PCDHGB2: variants seen among roughly 807,000 people sequenced by gnomAD.
The protein encoded by PCDHGB2 is protocadherin gamma subfamily B, 2.
A neutral mutation model predicts 59.3 loss-of-function variants in PCDHGB2; 55 were observed. That is an observed-to-expected ratio of 0.93 (90% CI 0.75 to 1.16). The LOEUF (loss-of-function observed/expected upper bound fraction) is 1.16. PCDHGB2 is among the 50% of genes most tolerant of loss of function. The pLI is 0.00. For synonymous variants in PCDHGB2, 516 were observed against 512.0 expected (o/e 1.01, Z -0.11); for missense variants, 1,228 against 1,198.5 (o/e 1.02, Z -0.36).
intron 1 of PCDHGB2, among the ~76,000 whole-genome samples, chr5:141,466,800 C>T (rs189985735): frequency 6.6e-6 from 1 of 152,240 alleles, no homozygotes; most frequent in East Asian, 1.9e-4. Context: ...AAACTAGATC[C>T]TATTCAGACA....
At position 141,468,868 on chromosome 5, in the gene PCDHGB2, A is replaced by AAAT. The variant is rs993655754; in HGVS notation, c.2422-25921_2422-25919dup. Among the ~76,000 whole-genome samples, 30 of 151,912 alleles carry AAAT rather than the reference A, an allele frequency of 2.0e-4. No homozygotes were observed. The East Asian group carries it at 4.3e-3, about 22-fold the overall frequency. On this transcript the variant is annotated intron_variant, in intron 1 of 3. Coordinates refer to ENST00000522605, the MANE Select transcript of PCDHGB2 (RefSeq NM_018923.3). ...GCAACAGAGCGAGACTCCATCTCAAAAATAATAATAATAATAATAAGGTAC... is the reference window on the plus strand; with the variant it reads ...GCAACAGAGCGAGACTCCATCTCAAAAATAATAATAATAATAATAATAAGGTAC...
In PCDHGB2 at chr5:141,476,374, GTTTGTGAACGACCGTC is replaced by G. The variant is rs1424626307; in HGVS notation, c.2422-18431_2422-18416del. 1 of 1,614,060 alleles carries G rather than the reference GTTTGTGAACGACCGTC, an allele frequency of 6.2e-7. No individual in the cohort carries two copies. The highest frequency in any genetic ancestry group is 1.3e-5 in the African/African-American group (1 of 74,922). Reference sequence around the variant, plus strand: ...AGGTGAACCGGGAGACCGGAGAGATGTTTGTGAACGACCGTCTGGATCGAGAGGAGCTGTGTGGGAC... The same window carrying G: ...AGGTGAACCGGGAGACCGGAGAGATGTGGATCGAGAGGAGCTGTGTGGGAC... On this transcript the variant is annotated intron_variant, in intron 1 of 3. Coordinates refer to ENST00000522605, the MANE Select transcript of PCDHGB2 (RefSeq NM_018923.3). The surrounding 1 kb of genome is among the most constrained non-coding windows in gnomAD (Gnocchi z 7.6).
In PCDHGB2 at chr5:141,360,779, T is replaced by C; in HGVS notation, c.644T>C (p.Val215Ala). The C allele has an allele frequency of 6.2e-7, 1 of 1,613,956 alleles. No homozygotes were observed. The highest frequency in any genetic ancestry group is 8.5e-7 in the Non-Finnish European group (1 of 1,179,906). Residue 215 changes from valine to alanine, a missense_variant, in exon 1 of 4, where the codon GTG becomes GCG. Coordinates refer to ENST00000522605, the MANE Select transcript of PCDHGB2 (RefSeq NM_018923.3). ...TTACATCAATTGGTCCTCACAGCTG[T>C]GGATGGCGGAGACCCACCTCAAAGT... ...HSLHQLVLTA[V>A]DGGDPPQSGT...
chr5:141,482,885 A>G (rs1353686606), intron 1 of PCDHGB2, among the ~76,000 whole-genome samples: 2 of 152,202 alleles, frequency 1.3e-5, no homozygotes. Flanking sequence ...CAGCCTGGCC[A>G]ACATGGTGAA....
In PCDHGB2 at chr5:141,476,499, TC is replaced by T; in HGVS notation, c.2422-18307del. 1 of 1,614,110 alleles carries T rather than the reference TC, an allele frequency of 6.2e-7. No individual in the cohort carries two copies. Among genetic ancestry groups the T allele is most frequent in the Non-Finnish European group, 8.5e-7 (1 of 1,180,020 alleles). ...AGCGTGGAAGTGGTGATCCAGGACATCAACGACAACAATCCTGCTTTCCCTA... is the reference window on the plus strand; with the variant it reads ...AGCGTGGAAGTGGTGATCCAGGACATAACGACAACAATCCTGCTTTCCCTA... On this transcript the variant is annotated intron_variant, in intron 1 of 3. Transcript: ENST00000522605. The surrounding 1 kb of genome is among the most constrained non-coding windows in gnomAD (Gnocchi z 7.6).
chr5:141,420,911 T>C (rs948220220), intron 1 of PCDHGB2: 6 of 313,968 alleles, frequency 1.9e-5, no homozygotes, highest in Admixed American at 1.8e-4. Flanking sequence ...CAAATACGTG[T>C]GATTCACAAA....
chr5:141,384,221 A>G, intron 1 of PCDHGB2: 1 of 1,613,936 alleles, frequency 6.2e-7, no homozygotes, highest in Non-Finnish European at 8.5e-7. Flanking sequence ...ATATTCATGC[A>G]GGTGGCAGAC....
intron 1 of PCDHGB2, among the ~76,000 whole-genome samples, chr5:141,467,017 C>T (rs1036255706): frequency 4.0e-5 from 6 of 151,156 alleles, no homozygotes; most frequent in African/African-American, 1.5e-4. Context: ...AATTTTTTTC[C>T]CTTTGTTTTT....
At chr5:141,433,085 G>A in intron 1 of PCDHGB2, 1 of 1,614,170 alleles carries the variant, frequency 6.2e-7, no homozygotes, top group Non-Finnish European at 8.5e-7. Flanking sequence ...GCCCAACTAT[G>A]CAGACATGCT....
intron 2 of PCDHGB2, among the ~76,000 whole-genome samples, chr5:141,499,940 G>A (rs1158937971): frequency 4.0e-5 from 6 of 151,722 alleles, no homozygotes; most frequent in Non-Finnish European, 8.8e-5. Flanking sequence ...CACCCTCCTC[G>A]GCCTCCCAAA....
chr5:141,449,830 T>G (rs1316368063), intron 1 of PCDHGB2, among the ~76,000 whole-genome samples: 1 of 151,724 alleles, frequency 6.6e-6, no homozygotes, highest in Non-Finnish European at 1.5e-5. Flanking sequence ...AAGGACATTC[T>G]TTTATATAAT....
chr5:141,373,134 C>T (rs1335813862), intron 1 of PCDHGB2, among the ~76,000 whole-genome samples: 4 of 152,200 alleles, frequency 2.6e-5, no homozygotes, highest in Non-Finnish European at 5.9e-5. Flanking sequence ...CAAATCCTCA[C>T]AATTAAGTGG....
Position 141,487,247 on chromosome 5 carries a change from T to C in PCDHGB2, c.2422-7560T>C. Reference sequence around the variant, plus strand: ...GGAAGGAGAATCTCGTCTAACCCTCTACTTGGCTGTGTCCCTAGTGGCAAT... The same window carrying C: ...GGAAGGAGAATCTCGTCTAACCCTCCACTTGGCTGTGTCCCTAGTGGCAAT... On this transcript the variant is annotated intron_variant, in intron 1 of 3. Transcript: ENST00000522605. This position sits in a 1 kb window ranked among gnomAD's most constrained non-coding sequence, Gnocchi z 5.0. 1 of 1,614,174 alleles carries C rather than the reference T, an allele frequency of 6.2e-7. No individual in the cohort carries two copies. The highest frequency in any genetic ancestry group is 1.3e-5 in the African/African-American group (1 of 75,048).
intron 1 of PCDHGB2, chr5:141,384,882 C>T (rs951463054): frequency 6.2e-7 from 1 of 1,613,754 alleles, no homozygotes; most frequent in African/African-American, 1.3e-5. Context: ...TCACACTCAC[C>T]GTGGCTGTGG....
In PCDHGB2 at chr5:141,371,356, C is replaced by T. The variant is rs748519288; in HGVS notation, c.2421+8800C>T. 2.4e-5 allele frequency: 38 copies of T among 1,613,940 alleles called. No homozygotes were observed. The East Asian group carries it at 7.8e-4, about 33-fold the overall frequency. ...GATAGCTACACAATTGGGGTGGAAG[C>T]AAAGGATGGTGGACATCACACTGCA... is the stretch of plus-strand genomic sequence containing the variant. On this transcript the variant is annotated intron_variant, in intron 1 of 3. Transcript: ENST00000522605.
chr5:141,389,083 A>T, intron 1 of PCDHGB2: 3 of 1,614,058 alleles, frequency 1.9e-6, no homozygotes, highest in Non-Finnish European at 2.5e-6. Context: ...AGAAACACGT[A>T]TAAATTAGTG....
chr5:141,423,237 C>T (rs761825236), intron 1 of PCDHGB2: 74 of 1,613,798 alleles, frequency 4.6e-5, no homozygotes, highest in Middle Eastern at 3.3e-4. Flanking sequence ...ACAGCATCCC[C>T]GAAGTCCTGG....
At chr5:141,413,687 T>A (rs1470256826) in intron 1 of PCDHGB2, 5 of 1,613,666 alleles carry the variant, frequency 3.1e-6, no homozygotes, top group Non-Finnish European at 3.4e-6. Flanking sequence ...GTGAACTCCC[T>A]GCAGAGCTAT....
chr5:141,384,020 G>A (rs1158407540), intron 1 of PCDHGB2: 2 of 1,613,612 alleles, frequency 1.2e-6, no homozygotes, highest in Admixed American at 3.3e-5. Flanking sequence ...CTACAAGACA[G>A]AGATTCTGGA....
Sources: gnomAD v4.1 joint callset for allele counts (sites outside exome capture counted in the v4.1 genomes callset) on GRCh38, gnomAD v4.1.1 for gene constraint, Gnocchi (gnomAD v3.1) non-coding constraint, MANE v1.5 for transcripts, NCBI Gene and HGNC (gene_info 2026-07-23, HGNC 2026-07-21) for gene names.